The following ODAPH variants were observed in gnomAD, a reference collection of about 807,000 sequenced individuals.
The protein encoded by ODAPH is odontogenesis associated phosphoprotein.
ODAPH carries 2 observed loss-of-function variants against 2.8 expected under a neutral mutation model. The ratio of observed to expected loss-of-function variants is 0.72; its 90% CI spans 0.30 to 2.28. The LOEUF (loss-of-function observed/expected upper bound fraction) is 2.28. ODAPH is among the 30% of genes most tolerant of loss of function. ODAPH has a pLI of 0.13. For missense variants in ODAPH, 159 were observed against 163.3 expected (o/e 0.97, Z 0.14); for synonymous variants, 75 against 60.3 (o/e 1.24, Z -1.13).
In ODAPH at chr4:75,564,334, C is replaced by T; in HGVS notation, c.288C>T (p.Asn96=). 1.9e-6 allele frequency: 3 copies of T among 1,614,206 alleles called. No homozygotes were observed. The highest frequency in any genetic ancestry group is 2.5e-6 in the Non-Finnish European group (3 of 1,180,034). The change falls in exon 2 of 2, where the codon AAC becomes AAT. Residue 96 remains asparagine, a synonymous_variant. Coordinates refer to ENST00000311623, the MANE Select transcript of ODAPH (RefSeq NM_178497.5). ...PNRPFVPSRC[N]HRFPFQPFYW... ...GACCTTTCGTCCCTTCAAGGTGTAA[C>T]CACCGTTTTCCATTCCAGCCATTTT...
At chr4:75,564,915 G>T, downstream of ODAPH, 1 of 211,918 alleles carries the variant, frequency 4.7e-6, no homozygotes, top group Admixed American at 5.3e-5. Flanking sequence ...AAAGCTTAAA[G>T]CAATTAAAAA....
chr4:75,561,079 C>T (rs1291858061), intron 1 of ODAPH, among the ~76,000 whole-genome samples: 1 of 152,060 alleles, frequency 6.6e-6, no homozygotes, highest in African/African-American at 2.4e-5. Flanking sequence ...AAAGAATTAG[C>T]CGGGCGTGGT....
chr4:75,561,325 A>G (rs1017655893), intron 1 of ODAPH, among the ~76,000 whole-genome samples: 1 of 152,058 alleles, frequency 6.6e-6, no homozygotes, highest in African/African-American at 2.4e-5. Flanking sequence ...GCAGGAAAAA[A>G]GCTACTAATG....
intron 1 of ODAPH, among the ~76,000 whole-genome samples, chr4:75,561,752 CAGG>C (rs1727585981): frequency 1.3e-5 from 2 of 152,206 alleles, no homozygotes; most frequent in South Asian, 4.2e-4. Flanking sequence ...GAGGCTGAGG[CAGG>C]AGAATCACTT....
At chr4:75,560,050 G>A (rs1470876762) in intron 1 of ODAPH, among the ~76,000 whole-genome samples, 1 of 152,128 alleles carries the variant, frequency 6.6e-6, no homozygotes, top group African/African-American at 2.4e-5. Context: ...GAGTGCTCTG[G>A]GCATCTGCAA....
Position 75,556,124 on chromosome 4 carries a change from C to T in ODAPH, c.42C>T (p.Cys14=), listed in dbSNP as rs1231178138. The T allele has an allele frequency of 6.2e-7, 1 of 1,614,158 alleles. No homozygotes were observed. The highest frequency in any genetic ancestry group is 1.1e-5 in the South Asian group (1 of 91,072). Residue 14 remains cysteine, a synonymous_variant, in exon 1 of 2, where the codon TGC becomes TGT. Transcript: ENST00000311623. The part of the protein sequence containing the change: ...RHCFSYWLLV[C]WLVVTVAEGQ... The stretch of plus-strand genomic sequence containing the variant: ...GCTTCTCCTACTGGTTACTGGTATG[C>T]TGGTTGGTGGTAACTGTGGCAGAAG...
intron 1 of ODAPH, chr4:75,556,692 T>G (rs1727350999): frequency 2.5e-6 from 2 of 794,984 alleles, no homozygotes; most frequent in East Asian, 5.3e-5. Flanking sequence ...TTTATTAGAT[T>G]CCATTTCTCA....
chr4:75,564,805 A>C lies in ODAPH; in HGVS notation c.*366A>C. 1 of 423,910 alleles carries C rather than the reference A, an allele frequency of 2.4e-6. No individual in the cohort carries two copies. The highest frequency in any genetic ancestry group is 2.5e-5 in the South Asian group (1 of 40,758). The allele number at this position is 423,910 out of a possible 1,614,324, so 26.3% of individuals were successfully genotyped here. Reference sequence around the variant, plus strand: ...AACAGGATTTAAATAAATTGAGATCATTATAAACCACACGAAGAAACTGAT... The same window carrying C: ...AACAGGATTTAAATAAATTGAGATCCTTATAAACCACACGAAGAAACTGAT... On this transcript the variant is annotated 3_prime_UTR_variant, in exon 2 of 2. Coordinates refer to ENST00000311623, the MANE Select transcript of ODAPH (RefSeq NM_178497.5).
rs1727719227 is a variant in ODAPH, at chr4:75,564,231, A to G, written c.185A>G (p.Gln62Arg). 1.2e-6 allele frequency: 2 copies of G among 1,614,128 alleles called. No homozygotes were observed. Among genetic ancestry groups the G allele is most frequent in the Non-Finnish European group, 1.7e-6 (2 of 1,180,052 alleles). Residue 62 changes from glutamine to arginine, a missense_variant, in exon 2 of 2, where the codon CAG becomes CGG. Coordinates refer to ENST00000311623, the MANE Select transcript of ODAPH (RefSeq NM_178497.5). ...CCGAGGAGTCCGGTCACAAGGGCCC[A>G]GCCCATCACAAAGACACCCAGGTGT... is the stretch of plus-strand genomic sequence containing the variant. ...PAPRSPVTRA[Q>R]PITKTPRCPF...
rs769319224 is a variant in ODAPH at position 75,564,238 on chromosome 4, C to T, written c.192C>T (p.Ile64=). Residue 64 remains isoleucine, a synonymous_variant, in exon 2 of 2, where the codon ATC becomes ATT. Coordinates refer to ENST00000311623, the MANE Select transcript of ODAPH (RefSeq NM_178497.5). ...PRSPVTRAQP[I]TKTPRCPFHF... ...GTCCGGTCACAAGGGCCCAGCCCAT[C>T]ACAAAGACACCCAGGTGTCCCTTCC... The T allele has an allele frequency of 1.9e-6, 3 of 1,614,250 alleles. No individual in the cohort carries two copies. In the South Asian group the frequency reaches 3.3e-5, roughly 18 times the overall value.
chr4:75,562,143 G>T (rs1020937034), intron 1 of ODAPH, among the ~76,000 whole-genome samples: 1 of 152,188 alleles, frequency 6.6e-6, no homozygotes, highest in African/African-American at 2.4e-5. Context: ...GCCATAGCCA[G>T]AAGGTGCGTA....
chr4:75,558,165 G>T (rs1206889003), intron 1 of ODAPH, among the ~76,000 whole-genome samples: 1 of 152,146 alleles, frequency 6.6e-6, no homozygotes, highest in Non-Finnish European at 1.5e-5. Context: ...ACCTGTACCT[G>T]TTGAAACAAC....
At position 75,564,503 on chromosome 4, in the gene ODAPH, A is replaced by G; in HGVS notation, c.*64A>G. On this transcript the variant is annotated 3_prime_UTR_variant, in exon 2 of 2. Coordinates refer to ENST00000311623, the MANE Select transcript of ODAPH (RefSeq NM_178497.5). ...GCCTATCCTTCAGAAAAAAGCAACAAAAAGATTTCTGTTTTATCTTTCGAA... is the reference window on the plus strand; with the variant it reads ...GCCTATCCTTCAGAAAAAAGCAACAGAAAGATTTCTGTTTTATCTTTCGAA... 3.1e-6 allele frequency: 5 copies of G among 1,612,810 alleles called. No individual in the cohort carries two copies. Among genetic ancestry groups the G allele is most frequent in the Non-Finnish European group, 4.2e-6 (5 of 1,179,912 alleles).
downstream of ODAPH, chr4:75,565,885 A>C (rs1213006660): frequency 2.0e-5 from 3 of 152,228 alleles, no homozygotes. Flanking sequence ...AAAGAAAAAA[A>C]CTATTTAATT....
intron 1 of ODAPH, among the ~76,000 whole-genome samples, chr4:75,561,266 C>T (rs1045694476): frequency 3.8e-4 from 57 of 149,256 alleles, no homozygotes; most frequent in African/African-American, 1.3e-3. Flanking sequence ...TCTCTCCTAG[C>T]GACTAGATTC....
At position 75,557,820 on chromosome 4, in the gene ODAPH, T is replaced by C. The variant is rs78774856; in HGVS notation, c.67+1671T>C. Among the ~76,000 whole-genome samples, 138 of 152,302 alleles carry C rather than the reference T, an allele frequency of 9.1e-4. 1 individual carries two copies. In the East Asian group the frequency reaches 0.022, roughly 24 times the overall value. The stretch of plus-strand genomic sequence containing the variant: ...CGACAAGGTCATGTGTGGATCTCCA[T>C]ACTCATCCTCTTCTCACTGATGCAC... On this transcript the variant is annotated intron_variant, in intron 1 of 1. Transcript: ENST00000311623.
intron 1 of ODAPH, among the ~76,000 whole-genome samples, chr4:75,562,338 TC>T (rs1199777132): frequency 3.3e-5 from 5 of 150,440 alleles, no homozygotes; most frequent in African/African-American, 1.2e-4. Context: ...TGTGGGAAGT[TC>T]TTTTTTTTTT....
At position 75,564,267 on chromosome 4, in the gene ODAPH, T is replaced by A. The variant is rs371428561; in HGVS notation, c.221T>A (p.Phe74Tyr). 7.9e-5 allele frequency: 128 copies of A among 1,614,082 alleles called. No individual in the cohort carries two copies. Among genetic ancestry groups the A allele is most frequent in the Non-Finnish European group, 1.0e-4 (122 of 1,180,050 alleles). ...ITKTPRCPFH[F>Y]FPRRPRIHFR... ...AAGACACCCAGGTGTCCCTTCCATT[T>A]TTTTCCACGAAGGCCCAGAATCCAT... The change falls in exon 2 of 2, where the codon TTT (phenylalanine) becomes TAT (tyrosine). Residue 74 changes from phenylalanine to tyrosine, a missense_variant. Coordinates refer to ENST00000311623, the MANE Select transcript of ODAPH (RefSeq NM_178497.5).
chr4:75,563,171 G>A (rs1285054057), intron 1 of ODAPH: 9 of 151,474 alleles, frequency 5.9e-5, no homozygotes, highest in Non-Finnish European at 1.2e-4. Flanking sequence ...GACTACAGGC[G>A]CCTGCCACCA....
Sources: allele counts gnomAD v4.1 joint callset (sites outside exome capture counted in the v4.1 genomes callset), GRCh38; gene constraint gnomAD v4.1.1; transcripts MANE v1.5; gene names NCBI Gene and HGNC (gene_info 2026-07-23, HGNC 2026-07-21).